Variants in TMEM207 observed in about 807,000 individuals in gnomAD.
TMEM207 encodes the protein SRSR846.
A neutral mutation model predicts 17.4 loss-of-function variants in TMEM207; 15 were observed. The ratio of observed to expected loss-of-function variants is 0.86; its 90% CI spans 0.58 to 1.33. TMEM207 has a LOEUF of 1.33. Ranked by LOEUF, TMEM207 falls within the 40% of genes most tolerant of loss-of-function variation. TMEM207 has a pLI of 0.00. For missense variants in TMEM207, 205 were observed against 173.8 expected (o/e 1.18, Z -1.01); for synonymous variants, 70 against 65.6 (o/e 1.07, Z -0.33).
intron 1 of TMEM207, among the ~76,000 whole-genome samples, chr3:190,448,057 T>G (rs1577449615): frequency 6.6e-6 from 1 of 152,320 alleles, no homozygotes; most frequent in Middle Eastern, 3.4e-3. Context: ...CAGATTCCAT[T>G]TCTACATACC....
chr3:190,449,458 C>T (rs139185735), intron 1 of TMEM207, among the ~76,000 whole-genome samples: 3 of 152,284 alleles, frequency 2.0e-5, no homozygotes, highest in African/African-American at 7.2e-5. Flanking sequence ...TAAAAAATTA[C>T]AGCATAGCAA....
In TMEM207 at chr3:190,428,827, T is replaced by G. The variant is rs1719625946; in HGVS notation, c.*768A>C. 1 of 152,172 alleles carries G rather than the reference T, an allele frequency of 6.6e-6. No homozygotes were observed. The highest frequency in any genetic ancestry group is 1.5e-5 in the Non-Finnish European group (1 of 68,042). The allele number at this position is 152,172 out of a possible 1,614,324, so 9.4% of individuals were successfully genotyped here. A position where few individuals can be genotyped will look rare whatever the true frequency, so the allele number is the denominator to read the frequency against. On this transcript the variant is annotated 3_prime_UTR_variant, in exon 5 of 5. Transcript: ENST00000354905. ...CAGTCCTCATGGGAACAGATACCTA[T>G]GCCGAAGGTTCTTAGCATGATGCTG...
Position 190,449,883 on chromosome 3 carries a change from C to T in TMEM207, c.-74G>A. On this transcript the variant is annotated 5_prime_UTR_variant, in exon 1 of 5. Coordinates refer to ENST00000354905, the MANE Select transcript of TMEM207 (RefSeq NM_207316.3). ...TTCCTTCTTTCTCAGAACTTACTAG[C>T]TTCTCTATAAGTTATGCTTCCTACC... 3 of 1,354,440 alleles carry T rather than the reference C, an allele frequency of 2.2e-6. No homozygotes were observed. The highest frequency in any genetic ancestry group is 2.1e-6 in the Non-Finnish European group (2 of 948,570). 83.9% of individuals were successfully genotyped at this position (1,354,440 alleles called of 1,614,324 possible).
intron 2 of TMEM207, among the ~76,000 whole-genome samples, chr3:190,443,311 A>C (rs1331197294): frequency 6.6e-6 from 1 of 151,910 alleles, no homozygotes; most frequent in Non-Finnish European, 1.5e-5. Flanking sequence ...CTAAATATTA[A>C]CCACCTCATT....
chr3:190,429,337 G>C lies in TMEM207; in HGVS notation c.*258C>G. ...CTAATTGTTGCCTGTTTGGATACTA[G>C]TGGAGAAGCATTAATTTGGTTGTGT... On this transcript the variant is annotated 3_prime_UTR_variant, in exon 5 of 5. Coordinates refer to ENST00000354905, the MANE Select transcript of TMEM207 (RefSeq NM_207316.3). 9.6e-6 allele frequency: 4 copies of C among 415,956 alleles called. No homozygotes were observed. The highest frequency in any genetic ancestry group is 1.7e-5 in the Non-Finnish European group (4 of 230,172). 25.8% of individuals were successfully genotyped at this position (415,956 alleles called of 1,614,324 possible).
At chr3:190,435,463 G>T (rs886183553) in intron 4 of TMEM207, among the ~76,000 whole-genome samples, 1 of 152,050 alleles carries the variant, frequency 6.6e-6, no homozygotes. Flanking sequence ...GAGATACTGG[G>T]GTTAGAATTT....
At chr3:190,440,188 T>C in intron 4 of TMEM207, 56 bp downstream of exon 4, 1 of 1,550,512 alleles carries the variant, frequency 6.4e-7, no homozygotes, top group South Asian at 1.2e-5. Flanking sequence ...GTTTTTCAAT[T>C]AACCGCAAAA....
chr3:190,444,557 G>A (rs1336017253), intron 2 of TMEM207: 1 of 568,622 alleles, frequency 1.8e-6, no homozygotes, highest in African/African-American at 2.0e-5. Context: ...CAGAGAATAG[G>A]CCAATAGTGA....
intron 4 of TMEM207, among the ~76,000 whole-genome samples, chr3:190,437,513 G>A (rs532876311): frequency 6.6e-6 from 1 of 152,228 alleles, no homozygotes; most frequent in Non-Finnish European, 1.5e-5. Context: ...TTTGACAGAC[G>A]TAAAACAAAT....
intron 4 of TMEM207, among the ~76,000 whole-genome samples, chr3:190,432,882 G>A (rs550783740): frequency 8.3e-4 from 126 of 152,280 alleles, no homozygotes; most frequent in African/African-American, 3.0e-3. Flanking sequence ...CAAGCGATCA[G>A]CCCCAGGGAG....
At chr3:190,430,516 GT>G (rs1577441293) in intron 4 of TMEM207, among the ~76,000 whole-genome samples, 1 of 150,350 alleles carries the variant, frequency 6.7e-6, no homozygotes. Flanking sequence ...TATAAAGATG[GT>G]TTTATATATA....
chr3:190,449,871 A>G lies in TMEM207; in HGVS notation c.-62T>C, dbSNP rs1720125694. 16 of 1,433,772 alleles carry G rather than the reference A, an allele frequency of 1.1e-5. No individual in the cohort carries two copies. The highest frequency in any genetic ancestry group is 1.6e-5 in the Non-Finnish European group (16 of 1,018,700). The allele number at this position is 1,433,772 out of a possible 1,614,324, so 88.8% of individuals were successfully genotyped here. A position where few individuals can be genotyped will look rare whatever the true frequency, so the allele number is the denominator to read the frequency against. On this transcript the variant is annotated 5_prime_UTR_variant, in exon 1 of 5. Coordinates refer to ENST00000354905, the MANE Select transcript of TMEM207 (RefSeq NM_207316.3). Reference sequence around the variant, plus strand: ...GCCTGTGTTTATTTCCTTCTTTCTCAGAACTTACTAGCTTCTCTATAAGTT... The same window carrying G: ...GCCTGTGTTTATTTCCTTCTTTCTCGGAACTTACTAGCTTCTCTATAAGTT...
intron 4 of TMEM207, among the ~76,000 whole-genome samples, chr3:190,430,238 A>T (rs1388212805): frequency 1.3e-5 from 2 of 152,092 alleles, no homozygotes; most frequent in African/African-American, 4.8e-5. Flanking sequence ...AAGTATACAC[A>T]CACAATAAAG....
rs150281138 is a variant in TMEM207, at chr3:190,447,793, T to C, written c.110A>G (p.Glu37Gly). The C allele has an allele frequency of 1.1e-5, 17 of 1,611,622 alleles. No homozygotes were observed. The highest frequency in any genetic ancestry group is 1.4e-5 in the Non-Finnish European group (17 of 1,179,092). Reference sequence around the variant, plus strand: ...GAGTTTTTCGCTGTTTACTTACATTTCATCTTCTTCGCATGGTAGGTCCGA... The same window carrying C: ...GAGTTTTTCGCTGTTTACTTACATTCCATCTTCTTCGCATGGTAGGTCCGA... ...VLSDLPCEED[E>G]MCVNYNDQHP... The change falls in exon 2 of 5, where the codon GAA becomes GGA. Residue 37 changes from glutamate (E) to glycine (G), a missense_variant. By Grantham distance (98) the Glu-to-Gly change is moderately conservative (BLOSUM62 -2). Coordinates refer to ENST00000354905, the MANE Select transcript of TMEM207 (RefSeq NM_207316.3).
intron 4 of TMEM207, among the ~76,000 whole-genome samples, chr3:190,438,005 A>G (rs1405732533): frequency 6.7e-6 from 1 of 149,946 alleles, no homozygotes; most frequent in Non-Finnish European, 1.5e-5. Context: ...AGGACAAAAA[A>G]CCAAACACCG....
chr3:190,431,075 A>G lies in TMEM207; in HGVS notation c.305-1344T>C, dbSNP rs1051364559. 2.0e-5 allele frequency among the ~76,000 whole-genome samples: 3 copies of G among 152,150 alleles called. No homozygotes were observed. The East Asian group carries it at 5.8e-4, about 29-fold the overall frequency. On this transcript the variant is annotated intron_variant, in intron 4 of 4. Transcript: ENST00000354905. ...TTATTTCTTATCTCACTGGTACCAG[A>G]GCAAAGACTAATAAGTCAAGTATGT...
chr3:190,438,875 A>T (rs565949364), intron 4 of TMEM207, among the ~76,000 whole-genome samples: 3 of 152,162 alleles, frequency 2.0e-5, no homozygotes, highest in African/African-American at 7.2e-5. Flanking sequence ...TGTTTTGGAG[A>T]CTTTAATTAT....
chr3:190,437,376 A>T (rs571230234), intron 4 of TMEM207, among the ~76,000 whole-genome samples: 208 of 152,330 alleles, frequency 1.4e-3, no homozygotes, highest in Non-Finnish European at 1.9e-3. Context: ...ACATCTATGC[A>T]TGTATGTGTC....
chr3:190,442,870 T>C lies in TMEM207; in HGVS notation c.114-1388A>G, dbSNP rs141693519. ...GTATAGAGACTTCAATCTTACTTTG[T>C]ATATATTATTTTCTACAAGTACAAT... On this transcript the variant is annotated intron_variant, in intron 2 of 4. Transcript: ENST00000354905. Among the ~76,000 whole-genome samples the C allele has an allele frequency of 1.8e-4, 28 of 152,320 alleles. 1 individual carries two copies. In the East Asian group the frequency reaches 5.4e-3, roughly 29 times the overall value.
Sources: allele counts gnomAD v4.1 joint callset (sites outside exome capture counted in the v4.1 genomes callset), GRCh38; gene constraint gnomAD v4.1.1; transcripts MANE v1.5; gene names NCBI Gene and HGNC (gene_info 2026-07-23, HGNC 2026-07-21).